The following IFT88 variants were observed in gnomAD, a reference collection of about 807,000 sequenced individuals.
IFT88 encodes the protein intraflagellar transport 88.
A neutral mutation model predicts 119.5 loss-of-function variants in IFT88; 74 were observed. The ratio of observed to expected loss-of-function variants is 0.62; its 90% CI spans 0.51 to 0.75. The LOEUF is 0.75. Among genes scored for constraint, IFT88 ranks in the 30% least tolerant of loss-of-function variants. IFT88 has a pLI of 0.00. For missense variants in IFT88, 961 were observed against 977.7 expected, an observed-to-expected ratio of 0.98 and a Z score of 0.23; for synonymous variants, 279 against 316.7, an observed-to-expected ratio of 0.88 and a Z score of 1.26.
In IFT88 at chr13:20,649,528, A is replaced by G. The variant is rs1425990814; in HGVS notation, c.1950-4348A>G. On this transcript the variant is annotated intron_variant, in intron 20 of 25. Transcript: ENST00000351808. The stretch of plus-strand genomic sequence containing the variant: ...CCTAAGAGGGAAATTTATATCTGTA[A>G]GTACATTAAAGAAGAAGAAAGATCC... Among the ~76,000 whole-genome samples, 3 of 152,174 alleles carry G rather than the reference A, an allele frequency of 2.0e-5. No individual in the cohort carries two copies. The East Asian group carries it at 5.8e-4, about 29-fold the overall frequency.
chr13:20,618,987 G>A (rs1362643417), intron 14 of IFT88, among the ~76,000 whole-genome samples: 2 of 151,650 alleles, frequency 1.3e-5, no homozygotes, highest in Non-Finnish European at 2.9e-5. Context: ...CTCCTAAGTA[G>A]CTGGGACTAC....
At chr13:20,640,948 C>A (rs2049844193) in intron 17 of IFT88, among the ~76,000 whole-genome samples, 2 of 152,140 alleles carry the variant, frequency 1.3e-5, no homozygotes, top group Admixed American at 1.3e-4. Flanking sequence ...GAGTTCCAGA[C>A]CAGCCTGAGC....
In IFT88 at chr13:20,631,098, A is replaced by G. The variant is rs766242235; in HGVS notation, c.1382A>G (p.Tyr461Cys). 5.0e-6 allele frequency: 8 copies of G among 1,590,452 alleles called. No homozygotes were observed. The East Asian group carries it at 1.3e-4, about 27-fold the overall frequency. Reference protein sequence around the residue: ...AAATNLSALYYMGKDFAQASS... With the variant: ...AAATNLSALYCMGKDFAQASS... Reference sequence around the variant, plus strand: ...GCAACCAATCTCTCAGCCCTGTATTATATGGTAAGTTTTTTTACTACTAAG... The same window carrying G: ...GCAACCAATCTCTCAGCCCTGTATTGTATGGTAAGTTTTTTTACTACTAAG... Residue 461 changes from tyrosine to cysteine, a missense_variant, in exon 16 of 26, where the codon TAT (tyrosine) becomes TGT (cysteine). Coordinates refer to ENST00000351808, the MANE Select transcript of IFT88 (RefSeq NM_006531.5).
intron 24 of IFT88, among the ~76,000 whole-genome samples, chr13:20,673,601 C>T (rs368517995): frequency 2.7e-4 from 41 of 152,314 alleles, no homozygotes; most frequent in African/African-American, 9.4e-4. Context: ...GGGCTTCACT[C>T]GGCCAGGGAC....
chr13:20,680,677 T>G (rs1298080518), intron 24 of IFT88, among the ~76,000 whole-genome samples: 3 of 152,172 alleles, frequency 2.0e-5, no homozygotes, highest in Non-Finnish European at 4.4e-5. Context: ...TCTTCCTTAT[T>G]GTCAGTCTCA....
At chr13:20,574,502 T>C (rs779097100) in intron 2 of IFT88, 27 bp downstream of exon 2, 4 of 1,283,204 alleles carry the variant, frequency 3.1e-6, no homozygotes, top group Non-Finnish European at 4.5e-6. Context: ...GTTTTTTACA[T>C]TGGTCTTGGT....
rs1173228782 is a variant in IFT88, at chr13:20,663,601, A to AC, written c.2173dup (p.Gln725ProfsTer22). The AC allele has an allele frequency of 5.0e-6, 8 of 1,608,124 alleles. No individual in the cohort carries two copies. The highest frequency in any genetic ancestry group is 6.8e-6 in the Non-Finnish European group (8 of 1,175,268). On this transcript the variant is annotated frameshift_variant, in exon 23 of 26. Transcript: ENST00000351808. LOFTEE classifies it high-confidence loss of function. ...TGGAAAAAATGAAAGAAATAAGGGA[A>AC]CAGGTATCTCATATGGGCCCCAAAC...
intron 15 of IFT88, among the ~76,000 whole-genome samples, chr13:20,628,516 T>C (rs895432178): frequency 6.6e-6 from 1 of 152,238 alleles, no homozygotes; most frequent in African/African-American, 2.4e-5. Context: ...GACTGAACTT[T>C]TATCAGTTCC....
chr13:20,676,974 C>G (rs1375431098), intron 24 of IFT88, among the ~76,000 whole-genome samples: 3 of 152,092 alleles, frequency 2.0e-5, no homozygotes, highest in South Asian at 2.1e-4. Flanking sequence ...ACCCTCTTTC[C>G]CTTCCTACCT....
intron 7 of IFT88, among the ~76,000 whole-genome samples, chr13:20,593,438 AGAGCTTGG>A (rs2041067927): frequency 2.0e-5 from 3 of 151,910 alleles, no homozygotes; most frequent in African/African-American, 7.2e-5. Flanking sequence ...TTCTAGTTCC[AGAGCTTGG>A]GCTCTGGAAC....
At chr13:20,623,936 T>C (rs1405543300) in intron 14 of IFT88, among the ~76,000 whole-genome samples, 1 of 152,216 alleles carries the variant, frequency 6.6e-6, no homozygotes, top group Non-Finnish European at 1.5e-5. Flanking sequence ...AAGTTGTTTG[T>C]TTTTAGTGTA....
chr13:20,622,597 T>C (rs916588284), intron 14 of IFT88, among the ~76,000 whole-genome samples: 3 of 152,228 alleles, frequency 2.0e-5, no homozygotes, highest in Non-Finnish European at 4.4e-5. Context: ...GAGCATCTTT[T>C]CATGTACTTA....
At chr13:20,632,997 T>C (rs1001570523) in intron 16 of IFT88, among the ~76,000 whole-genome samples, 3 of 152,178 alleles carry the variant, frequency 2.0e-5, no homozygotes, top group African/African-American at 7.2e-5. Context: ...AAACCCCTGG[T>C]TGAAGAATGA....
intron 17 of IFT88, among the ~76,000 whole-genome samples, chr13:20,638,893 A>G (rs2049432443): frequency 6.6e-6 from 1 of 152,240 alleles, no homozygotes; most frequent in Admixed American, 6.5e-5. Context: ...AATTTCAAAC[A>G]TGCACAAAAG....
In IFT88 at chr13:20,583,026, GA is replaced by G; in HGVS notation, c.153+14del. 4 of 1,591,576 alleles carry G rather than the reference GA, an allele frequency of 2.5e-6. No individual in the cohort carries two copies. The highest frequency in any genetic ancestry group is 1.7e-6 in the Non-Finnish European group (2 of 1,168,156). Reference sequence around the variant, plus strand: ...TCATGGCAGAAGACCTCCAGTAAGTGAAAAAAATTTTTTTTAAATTGTGGTA... The same window carrying G: ...TCATGGCAGAAGACCTCCAGTAAGTGAAAAAATTTTTTTTAAATTGTGGTA... On this transcript the variant is annotated splice_region_variant and intron_variant, in intron 3 of 25. Coordinates refer to ENST00000351808, the MANE Select transcript of IFT88 (RefSeq NM_006531.5).
chr13:20,634,535 A>G (rs1282328181), intron 16 of IFT88, among the ~76,000 whole-genome samples: 1 of 152,032 alleles, frequency 6.6e-6, no homozygotes, highest in Non-Finnish European at 1.5e-5. Flanking sequence ...CCTCGTCTCT[A>G]CTAAACATGG....
At chr13:20,578,358 C>CTTTTTTTTTTTTT (rs1158499742) in intron 2 of IFT88, among the ~76,000 whole-genome samples, 3 of 78,750 alleles carry the variant, frequency 3.8e-5, no homozygotes, top group African/African-American at 5.2e-5. Flanking sequence ...AGTCTTGTTA[C>CTTTTTTTTTTTTT]TTTTTTTTTT....
intron 19 of IFT88, among the ~76,000 whole-genome samples, chr13:20,643,928 AT>A (rs2050345631): frequency 6.6e-6 from 1 of 151,884 alleles, no homozygotes; most frequent in Non-Finnish European, 1.5e-5. Flanking sequence ...TAATTTTTGT[AT>A]TTTTAGTAGA....
At chr13:20,567,864 G>GTTT in intron 1 of IFT88, 8 of 887,768 alleles carry the variant, frequency 9.0e-6, no homozygotes, top group South Asian at 2.0e-5. Flanking sequence ...AGTTTTTTTT[G>GTTT]TTTGTTTTTT....
Sources: gnomAD v4.1 joint callset for allele counts (sites outside exome capture counted in the v4.1 genomes callset) on GRCh38, gnomAD v4.1.1 for gene constraint, MANE v1.5 for transcripts, NCBI Gene and HGNC (gene_info 2026-07-23, HGNC 2026-07-21) for gene names.